RPL23A: variants seen among roughly 807,000 people sequenced by gnomAD.
RPL23A encodes the protein large ribosomal subunit protein uL23.
In RPL23A, 2 loss-of-function variants were observed where a neutral mutation model predicts 17.6. The observed-to-expected ratio is 0.11, with a 90% CI of 0.05 to 0.36. The LOEUF (loss-of-function observed/expected upper bound fraction) is 0.36. RPL23A is among the 10% of genes least tolerant of loss of function. The probability of loss-of-function intolerance (pLI) is 1.00; values close to 1 mark genes in which losing one functional copy is unlikely to be tolerated. For synonymous variants in RPL23A, 65 were observed against 74.3 expected (o/e 0.87, Z 0.65); for missense variants, 132 against 194.4 (o/e 0.68, Z 1.91).
At position 28,724,205 on chromosome 17, in the gene RPL23A, A is replaced by G. The variant is rs887193449; in HGVS notation, c.*324A>G. On this transcript the variant is annotated 3_prime_UTR_variant, in exon 5 of 5. Transcript: ENST00000422514. ...GAGGCTGTGTATGAAACCAATGCCC[A>G]GGGTTTGAAGGGTGTTAGCATCCAT... The G allele has an allele frequency of 7.9e-6, 4 of 503,674 alleles. No individual in the cohort carries two copies. The highest frequency in any genetic ancestry group is 3.5e-5 in the Admixed American group (1 of 28,336). 31.2% of individuals were successfully genotyped at this position (503,674 alleles called of 1,614,324 possible).
chr17:28,720,849 A>T lies in RPL23A; in HGVS notation c.168A>T (p.Arg56Ser). 1 of 1,614,146 alleles carries T rather than the reference A, an allele frequency of 6.2e-7. No individual in the cohort carries two copies. Among genetic ancestry groups the T allele is most frequent in the Non-Finnish European group, 8.5e-7 (1 of 1,179,992 alleles). The stretch of plus-strand genomic sequence containing the variant: ...GGCCGAAGACACTGCGACTCCGGAG[A>T]CAGCCCAAATATCCTCGGAAGAGCG... Reference protein sequence around the residue: ...FRRPKTLRLRRQPKYPRKSAP... With the variant: ...FRRPKTLRLRSQPKYPRKSAP... The change falls in exon 2 of 5, where the codon AGA (arginine) becomes AGT (serine). Residue 56 changes from arginine to serine, a missense_variant. Around this residue, in one of 2 missense-constraint regions of RPL23A, gnomAD observed 69 missense variants for 145.5 expected, o/e 0.47. Coordinates refer to ENST00000422514, the MANE Select transcript of RPL23A (RefSeq NM_000984.6).
At chr17:28,720,951 A>G in intron 2 of RPL23A, 61 bp downstream of exon 2, 1 of 1,426,784 alleles carries the variant, frequency 7.0e-7, no homozygotes, top group South Asian at 1.2e-5. Context: ...TAATTTGGAA[A>G]TTCACTCACT....
At chr17:28,723,031 T>C (rs562722954) in intron 3 of RPL23A, 132 bp downstream of exon 3, 3 of 684,850 alleles carry the variant, frequency 4.4e-6, no homozygotes, top group East Asian at 2.7e-5. Context: ...GTCCGAGCTA[T>C]GCAGGAGGAT....
intron 2 of RPL23A, 154 bp from the exon 3 acceptor site, chr17:28,722,569 C>G (rs1231655048): frequency 2.6e-6 from 2 of 783,752 alleles, no homozygotes; most frequent in African/African-American, 1.7e-5. Context: ...GGCTTCAGGC[C>G]CTTAGATTTC....
Position 28,724,236 on chromosome 17 carries a change from G to A in RPL23A, c.*355G>A, listed in dbSNP as rs2034169742. 1 of 537,866 alleles carries A rather than the reference G, an allele frequency of 1.9e-6. No homozygotes were observed. The highest frequency in any genetic ancestry group is 3.3e-6 in the Non-Finnish European group (1 of 303,284). The allele number at this position is 537,866 out of a possible 1,614,324, so 33.3% of individuals were successfully genotyped here. ...TGAAGGGTGTTAGCATCCATTTCAG[G>A]GGAGTGTGGATTGGCTGGCTCTCTG... On this transcript the variant is annotated 3_prime_UTR_variant, in exon 5 of 5. Coordinates refer to ENST00000422514, the MANE Select transcript of RPL23A (RefSeq NM_000984.6).
intron 2 of RPL23A, 91 bp from the exon 3 acceptor site, chr17:28,722,632 G>T (rs1350883533): frequency 1.1e-5 from 11 of 1,035,922 alleles, no homozygotes; most frequent in Non-Finnish European, 1.7e-5. Flanking sequence ...AAAGTGATTG[G>T]TACCTCGTTG....
rs539168874 is a variant in RPL23A, at chr17:28,720,026, G to A, written c.21G>A (p.Lys7=). The A allele has an allele frequency of 3.2e-6, 5 of 1,551,904 alleles. No homozygotes were observed. The highest frequency in any genetic ancestry group is 1.7e-4 in the Middle Eastern group (1 of 5,886). ...ACAAGATGGCGCCGAAAGCGAAGAA[G>A]GAAGGTGTGTGTTGGTGATGGGGCC... MAPKAK[K]EAPAPPKAEA... Residue 7 remains lysine, a synonymous_variant, in exon 1 of 5, where the codon AAG becomes AAA. Transcript: ENST00000422514.
intron 1 of RPL23A, 118 bp from the exon 2 acceptor site, chr17:28,720,589 G>A (rs1434269087): frequency 7.2e-7 from 1 of 1,383,866 alleles, no homozygotes; most frequent in Non-Finnish European, 1.0e-6. Flanking sequence ...TGACACTTGT[G>A]ATGTCTTCAA....
rs367648031 is a variant in RPL23A, at chr17:28,722,902, G to A, written c.386+3G>A. 4 of 1,613,324 alleles carry A rather than the reference G, an allele frequency of 2.5e-6. No homozygotes were observed. The highest frequency in any genetic ancestry group is 1.7e-5 in the Admixed American group (1 of 59,956). On this transcript the variant is annotated splice_donor_region_variant and intron_variant, in intron 3 of 4. Coordinates refer to ENST00000422514, the MANE Select transcript of RPL23A (RefSeq NM_000984.6). ...GCCAAGGTCAACACCCTGATTCGGTGAGTTGGGCCTCAAGGGATGGGGAGC... is the reference window on the plus strand; with the variant it reads ...GCCAAGGTCAACACCCTGATTCGGTAAGTTGGGCCTCAAGGGATGGGGAGC...
At chr17:28,723,463 A>G (rs1391334005) in intron 3 of RPL23A, 108 bp from the exon 4 acceptor site, 2 of 838,578 alleles carry the variant, frequency 2.4e-6, no homozygotes. Flanking sequence ...TTGGAAAAGA[A>G]TGACATGAAC....
chr17:28,723,317 T>C, intron 3 of RPL23A: 2 of 668,852 alleles, frequency 3.0e-6, no homozygotes, highest in South Asian at 3.1e-5. Flanking sequence ...CTACTTCTAT[T>C]GGGAAAGGCA....
At chr17:28,723,754 C>T (rs766028340) in intron 4 of RPL23A, 113 bp from the exon 5 acceptor site, 1 of 1,356,726 alleles carries the variant, frequency 7.4e-7, no homozygotes, top group Non-Finnish European at 1.1e-6. Context: ...TGACTGCACC[C>T]CTATCCTTGA....
chr17:28,723,677 C>A lies in RPL23A; in HGVS notation c.456+37C>A, dbSNP rs759913526. The A allele has an allele frequency of 8.8e-6, 14 of 1,587,660 alleles. No homozygotes were observed. In the South Asian group the frequency reaches 1.2e-4, roughly 14 times the overall value. ...TCCTACAAACCCCTTAATGCTCACCCCTTGGGTGCAAATGATGCATATGTT... is the reference window on the plus strand; with the variant it reads ...TCCTACAAACCCCTTAATGCTCACCACTTGGGTGCAAATGATGCATATGTT... On this transcript the variant is annotated intron_variant, in intron 4 of 4. Coordinates refer to ENST00000422514, the MANE Select transcript of RPL23A (RefSeq NM_000984.6).
intron 2 of RPL23A, chr17:28,721,695 A>C (rs925525721): frequency 6.6e-6 from 1 of 152,216 alleles, no homozygotes; most frequent in Admixed American, 6.6e-5. Context: ...GCTATCGGTA[A>C]TAACTGACTT....
intron 2 of RPL23A, chr17:28,721,143 AG>A: frequency 2.6e-6 from 1 of 380,932 alleles, no homozygotes; most frequent in Non-Finnish European, 5.0e-6. Flanking sequence ...ACTTGAGGTC[AG>A]GGGTTCGAGA....
Position 28,720,229 on chromosome 17 carries a change from G to T in RPL23A, c.25+199G>T, listed in dbSNP as rs760486105. 206 of 1,539,064 alleles carry T rather than the reference G, an allele frequency of 1.3e-4. 2 individuals carry two copies. The South Asian group carries it at 2.3e-3, about 17-fold the overall frequency. On this transcript the variant is annotated intron_variant, in intron 1 of 4. Transcript: ENST00000422514. ...CTGAGTTCCGGTAGAGGGAGTTGGG[G>T]GGGGGCAACGCGGCAGGCATCATCC...
intron 2 of RPL23A, chr17:28,721,169 A>G (rs902014564): frequency 9.5e-6 from 3 of 314,766 alleles, no homozygotes; most frequent in African/African-American, 6.5e-5. Flanking sequence ...CCTGAGTGAC[A>G]TGGAGAAACC....
chr17:28,720,579 T>C, intron 1 of RPL23A, 128 bp from the exon 2 acceptor site: 1 of 1,373,804 alleles, frequency 7.3e-7, no homozygotes, highest in Non-Finnish European at 1.0e-6. Flanking sequence ...TTTAATCTCC[T>C]GACACTTGTG....
chr17:28,723,291 C>G (rs2034149120), intron 3 of RPL23A: 4 of 596,324 alleles, frequency 6.7e-6, no homozygotes, highest in Non-Finnish European at 1.2e-5. Flanking sequence ...GGGGTTGGTC[C>G]TCATTTTCTG....
Sources: allele counts gnomAD v4.1 joint callset, GRCh38; gene constraint gnomAD v4.1.1; regional missense constraint gnomAD v4.1.1; transcripts MANE v1.5; gene names NCBI Gene and HGNC (gene_info 2026-07-23, HGNC 2026-07-21).